Variants in SHLD1 observed in about 807,000 individuals in gnomAD.
SHLD1 encodes shieldin complex subunit 1, also known as RINN1-REV7-interacting novel NHEJ regulator 3.
In SHLD1, 3 loss-of-function variants were observed where a neutral mutation model predicts 5.5. That is an observed-to-expected ratio of 0.54 (90% CI 0.25 to 1.40). The LOEUF (loss-of-function observed/expected upper bound fraction) is 1.40. SHLD1 is among the 40% of genes most tolerant of loss of function. The pLI, the probability that SHLD1 is intolerant of heterozygous loss-of-function variation, is 0.15. For missense variants in SHLD1, 210 were observed against 244.4 expected (o/e 0.86, Z 0.94); for synonymous variants, 92 against 94.3 (o/e 0.98, Z 0.14).
chr20:5,791,830 A>G (rs1382218499), intron 2 of SHLD1, among the ~76,000 whole-genome samples: 1 of 152,124 alleles, frequency 6.6e-6, no homozygotes, highest in Non-Finnish European at 1.5e-5. Flanking sequence ...GTCAATACAC[A>G]ATTCAGTTTC....
At chr20:5,794,893 T>G (rs1568505910) in intron 2 of SHLD1, among the ~76,000 whole-genome samples, 1 of 151,952 alleles carries the variant, frequency 6.6e-6, no homozygotes, top group South Asian at 2.1e-4. Flanking sequence ...CTCATGGAGT[T>G]GATCGTCTAG....
Position 5,852,165 on chromosome 20 carries a change from T to C in SHLD1, c.179-10859T>C, listed in dbSNP as rs137983039. Among the ~76,000 whole-genome samples the C allele has an allele frequency of 1.3e-3, 194 of 152,320 alleles. No homozygotes were observed. In the Middle Eastern group the frequency reaches 0.017, roughly 13 times the overall value. The stretch of plus-strand genomic sequence containing the variant: ...CAGAACTATGAGCCAATTAAACCTC[T>C]TTTCTTTATAAATTACTCAATCTCA... On this transcript the variant is annotated intron_variant, in intron 2 of 2. Transcript: ENST00000303142.
At chr20:5,831,056 G>A (rs1219765829) in intron 2 of SHLD1, among the ~76,000 whole-genome samples, 1 of 152,202 alleles carries the variant, frequency 6.6e-6, no homozygotes, top group African/African-American at 2.4e-5. Context: ...ATTTAAGGAA[G>A]AGTTGGTCAC....
intron 2 of SHLD1, among the ~76,000 whole-genome samples, chr20:5,804,393 T>TA (rs35334478): frequency 0.28 from 41,562 of 148,458 alleles, 6,831 homozygotes; most frequent in African/African-American, 0.44. Context: ...TAGTATAGTG[T>TA]AAAAAAAAAC....
intron 1 of SHLD1, among the ~76,000 whole-genome samples, chr20:5,757,390 T>A (rs566524408): frequency 6.6e-6 from 1 of 152,166 alleles, no homozygotes; most frequent in African/African-American, 2.4e-5. Flanking sequence ...TTATTTTTTA[T>A]TTTTTTACTT....
At chr20:5,824,612 TTTG>T (rs1005280676) in intron 2 of SHLD1, among the ~76,000 whole-genome samples, 4 of 149,574 alleles carry the variant, frequency 2.7e-5, no homozygotes, top group African/African-American at 1.0e-4. Flanking sequence ...GAGCTATGTT[TTTG>T]TTGTTGTTTG....
At chr20:5,788,844 T>G (rs1410567355) in intron 2 of SHLD1, among the ~76,000 whole-genome samples, 1 of 152,152 alleles carries the variant, frequency 6.6e-6, no homozygotes, top group Admixed American at 6.5e-5. Flanking sequence ...GATGTCTAAT[T>G]TTTTTTGCTG....
chr20:5,759,890 G>C (rs1194053546), intron 1 of SHLD1, among the ~76,000 whole-genome samples: 1 of 151,908 alleles, frequency 6.6e-6, no homozygotes, highest in Non-Finnish European at 1.5e-5. Context: ...TGCAAGACTA[G>C]TACAAAGAGT....
At chr20:5,856,524 G>A (rs2088087349) in intron 2 of SHLD1, among the ~76,000 whole-genome samples, 1 of 152,210 alleles carries the variant, frequency 6.6e-6, no homozygotes, top group African/African-American at 2.4e-5. Context: ...GGAAGATGCA[G>A]ACTAGCCCAG....
In SHLD1 at chr20:5,750,497, T is replaced by TGGCGG. The variant is rs1555766042; in HGVS notation, c.-5+20_-5+21insCGGGG. 1 of 35,818 alleles carries TGGCGG rather than the reference T, an allele frequency of 2.8e-5. No homozygotes were observed. Among genetic ancestry groups the TGGCGG allele is most frequent in the Non-Finnish European group, 5.9e-5 (1 of 16,982 alleles). 2.2% of individuals were successfully genotyped at this position (35,818 alleles called of 1,614,324 possible). On this transcript the variant is annotated intron_variant, in intron 1 of 2. Coordinates refer to ENST00000303142, the MANE Select transcript of SHLD1 (RefSeq NM_152504.4). Reference sequence around the variant, plus strand: ...GAGGAGAGGTAAGCGCGGGATGGGATGGGGGGGGGTTGGAGTGGTGGGGGC... The same window carrying TGGCGG: ...GAGGAGAGGTAAGCGCGGGATGGGATGGCGGGGGGGGGGGTTGGAGTGGTGGGGGC...
At chr20:5,844,963 A>AT (rs1466268243) in intron 2 of SHLD1, among the ~76,000 whole-genome samples, 1 of 150,726 alleles carries the variant, frequency 6.6e-6, no homozygotes, top group East Asian at 1.9e-4. Context: ...CCTGGCTAAT[A>AT]TTTTTTGTAT....
At chr20:5,856,919 G>A (rs1419570159) in intron 2 of SHLD1, among the ~76,000 whole-genome samples, 4 of 152,090 alleles carry the variant, frequency 2.6e-5, no homozygotes, top group African/African-American at 7.2e-5. Context: ...TAAATCTTAT[G>A]TTCCCATTTG....
chr20:5,852,148 T>A (rs2088019174), intron 2 of SHLD1, among the ~76,000 whole-genome samples: 1 of 152,190 alleles, frequency 6.6e-6, no homozygotes, highest in South Asian at 2.1e-4. Context: ...TGCAGAACTA[T>A]GAGCCAATTA....
At chr20:5,778,290 T>G (rs569223106) in intron 2 of SHLD1, among the ~76,000 whole-genome samples, 66 of 150,880 alleles carry the variant, frequency 4.4e-4, no homozygotes, top group African/African-American at 1.6e-3. Flanking sequence ...CTAGTTTTTT[T>G]TTTTTTTTTT....
intron 2 of SHLD1, among the ~76,000 whole-genome samples, chr20:5,810,055 T>G (rs171059): frequency 1 from 151,600 of 152,024 alleles, 75,591 homozygotes; most frequent in Middle Eastern, 1. Context: ...TCAGGAGTTC[T>G]AGACCAGCCT....
At chr20:5,845,575 GAAC>G (rs2087923146) in intron 2 of SHLD1, among the ~76,000 whole-genome samples, 2 of 152,220 alleles carry the variant, frequency 1.3e-5, no homozygotes, top group African/African-American at 4.8e-5. Flanking sequence ...GCATTGCACA[GAAC>G]TGATGTTAGA....
At position 5,863,562 on chromosome 20, in the gene SHLD1, G is replaced by T; in HGVS notation, c.*99G>T. 5 of 1,222,426 alleles carry T rather than the reference G, an allele frequency of 4.1e-6. No homozygotes were observed. The highest frequency in any genetic ancestry group is 1.5e-5 in the South Asian group (1 of 67,676). The allele number at this position is 1,222,426 out of a possible 1,614,324, so 75.7% of individuals were successfully genotyped here. Reference sequence around the variant, plus strand: ...TCCCCTAGGGTCTCTGGCCAGCTCTGTGTGCCCAATCCCAATTAAGTGCTT... The same window carrying T: ...TCCCCTAGGGTCTCTGGCCAGCTCTTTGTGCCCAATCCCAATTAAGTGCTT... On this transcript the variant is annotated 3_prime_UTR_variant, in exon 3 of 3. Coordinates refer to ENST00000303142, the MANE Select transcript of SHLD1 (RefSeq NM_152504.4).
chr20:5,758,664 C>A (rs1219482221), intron 1 of SHLD1, among the ~76,000 whole-genome samples: 13 of 152,020 alleles, frequency 8.6e-5, no homozygotes, highest in Admixed American at 8.5e-4. Flanking sequence ...TGTGATCCAC[C>A]AACTTCAGCC....
chr20:5,791,077 C>T (rs60530291), intron 2 of SHLD1, among the ~76,000 whole-genome samples: 1,726 of 152,020 alleles, frequency 0.011, 33 homozygotes, highest in African/African-American at 0.039. Flanking sequence ...GCAAGAGGAT[C>T]GCCTGATCCC....
Sources: gnomAD v4.1 joint callset for allele counts (sites outside exome capture counted in the v4.1 genomes callset) on GRCh38, gnomAD v4.1.1 for gene constraint, MANE v1.5 for transcripts, NCBI Gene and HGNC (gene_info 2026-07-23, HGNC 2026-07-21) for gene names.